EFNA5: variants seen among roughly 807,000 people sequenced by gnomAD.
EFNA5 encodes the protein ephrin A5.
EFNA5 carries 5 observed loss-of-function variants against 22.9 expected under a neutral mutation model. The observed-to-expected ratio is 0.22, with a 90% confidence interval of 0.11 to 0.46. The LOEUF (loss-of-function observed/expected upper bound fraction) is 0.46, where lower values mean the gene tolerates loss of function less well. Among genes scored for constraint, EFNA5 ranks in the 20% least tolerant of loss-of-function variants. The pLI is 0.99. For synonymous variants in EFNA5, 113 were observed against 112.2 expected, an observed-to-expected ratio of 1.01 and a Z score of -0.04; for missense variants, 237 against 293.3, an observed-to-expected ratio of 0.81 and a Z score of 1.40.
At chr5:107,505,838 C>A (rs780790210) in intron 1 of EFNA5, among the ~76,000 whole-genome samples, 7 of 151,926 alleles carry the variant, frequency 4.6e-5, no homozygotes, top group Non-Finnish European at 8.8e-5. Flanking sequence ...CTCTCCCCCC[C>A]ACCTTCTCTT....
intron 1 of EFNA5, among the ~76,000 whole-genome samples, chr5:107,531,721 G>C (rs1162168693): frequency 2.6e-5 from 4 of 152,130 alleles, no homozygotes; most frequent in Non-Finnish European, 4.4e-5. Context: ...TGCAGTACTT[G>C]TTCTAAATAG....
intron 4 of EFNA5, among the ~76,000 whole-genome samples, chr5:107,386,041 A>G (rs917201423): frequency 6.7e-6 from 1 of 149,242 alleles, no homozygotes. Context: ...TACTCAGGGT[A>G]AGTTTCCCTA....
At chr5:107,649,666 G>C (rs1024226073) in intron 1 of EFNA5, among the ~76,000 whole-genome samples, 4 of 152,098 alleles carry the variant, frequency 2.6e-5, no homozygotes, top group African/African-American at 9.7e-5. Flanking sequence ...TCTAAAGTTA[G>C]ACTATGCTCT....
At chr5:107,516,228 G>A (rs181899250) in intron 1 of EFNA5, among the ~76,000 whole-genome samples, 6 of 135,886 alleles carry the variant, frequency 4.4e-5, no homozygotes, top group East Asian at 4.4e-4. Context: ...TTGGACAGAC[G>A]AGTTTACACT....
intron 1 of EFNA5, among the ~76,000 whole-genome samples, chr5:107,647,396 T>C (rs1362987893): frequency 1.3e-5 from 2 of 152,150 alleles, no homozygotes; most frequent in African/African-American, 4.8e-5. Context: ...ATAACTGGCA[T>C]TGCAATTATA....
intron 1 of EFNA5, among the ~76,000 whole-genome samples, chr5:107,526,419 G>C (rs1484014917): frequency 6.6e-6 from 1 of 152,174 alleles, no homozygotes. Flanking sequence ...AACCAGGGCT[G>C]GGCCATACAT....
chr5:107,653,570 A>C (rs536345729), intron 1 of EFNA5, among the ~76,000 whole-genome samples: 1 of 152,280 alleles, frequency 6.6e-6, no homozygotes, highest in Admixed American at 6.5e-5. Context: ...AGCTCCTTCC[A>C]AGCACAACTC....
intron 2 of EFNA5, among the ~76,000 whole-genome samples, chr5:107,396,959 A>C (rs980918557): frequency 9.9e-5 from 15 of 152,122 alleles, no homozygotes; most frequent in Non-Finnish European, 1.9e-4. Context: ...GCAACTGTAT[A>C]CCCAGACATG....
chr5:107,486,693 T>C (rs1389520953), intron 1 of EFNA5, among the ~76,000 whole-genome samples: 1 of 152,130 alleles, frequency 6.6e-6, no homozygotes, highest in African/African-American at 2.4e-5. Context: ...TGTGTTGAGA[T>C]GACAAAACCA....
chr5:107,488,433 T>C (rs1746703876), intron 1 of EFNA5, among the ~76,000 whole-genome samples: 1 of 152,222 alleles, frequency 6.6e-6, no homozygotes, highest in Non-Finnish European at 1.5e-5. Flanking sequence ...TAGACTCTTC[T>C]GCTTTGGGTT....
intron 1 of EFNA5, among the ~76,000 whole-genome samples, chr5:107,493,916 G>A (rs1475976336): frequency 4.6e-5 from 7 of 152,206 alleles, no homozygotes; most frequent in Non-Finnish European, 1.0e-4. Flanking sequence ...AGTGTACACT[G>A]CTTGTTAGTG....
At chr5:107,499,072 CT>C (rs1747070578) in intron 1 of EFNA5, among the ~76,000 whole-genome samples, 1 of 151,984 alleles carries the variant, frequency 6.6e-6, no homozygotes, top group African/African-American at 2.4e-5. Context: ...CTCTCTTCTC[CT>C]TTTTCATTAT....
At chr5:107,492,126 C>T (rs1011907703) in intron 1 of EFNA5, among the ~76,000 whole-genome samples, 1 of 152,092 alleles carries the variant, frequency 6.6e-6, no homozygotes, top group African/African-American at 2.4e-5. Context: ...TGAGCCACCA[C>T]CCCTGGCCTA....
At chr5:107,621,839 A>T (rs1048863396) in intron 1 of EFNA5, among the ~76,000 whole-genome samples, 4 of 152,204 alleles carry the variant, frequency 2.6e-5, no homozygotes, top group Non-Finnish European at 4.4e-5. Flanking sequence ...TGCTATTAAC[A>T]TAAAAGAAAC....
chr5:107,599,756 T>C (rs975918188), intron 1 of EFNA5, among the ~76,000 whole-genome samples: 1 of 152,210 alleles, frequency 6.6e-6, no homozygotes, highest in African/African-American at 2.4e-5. Context: ...AAAAGAAGAA[T>C]AATTGCCAAA....
At chr5:107,612,941 T>TA (rs1211844226) in intron 1 of EFNA5, among the ~76,000 whole-genome samples, 1 of 152,100 alleles carries the variant, frequency 6.6e-6, no homozygotes. Flanking sequence ...ATAAAATAAA[T>TA]AGTTTCCAAA....
At chr5:107,555,664 C>T (rs2112472222) in intron 1 of EFNA5, among the ~76,000 whole-genome samples, 1 of 152,312 alleles carries the variant, frequency 6.6e-6, no homozygotes, top group African/African-American at 2.4e-5. Context: ...GTAAGATATA[C>T]ACATTCTTCT....
At chr5:107,666,690 T>A (rs542460989) in intron 1 of EFNA5, among the ~76,000 whole-genome samples, 4 of 152,268 alleles carry the variant, frequency 2.6e-5, no homozygotes, top group Admixed American at 6.5e-5. Context: ...TCATATTTGC[T>A]GCTGTATTAT....
chr5:107,571,932 ACT>A (rs1748816690), intron 1 of EFNA5, among the ~76,000 whole-genome samples: 1 of 151,890 alleles, frequency 6.6e-6, no homozygotes, highest in Non-Finnish European at 1.5e-5. Context: ...AAAGAAAACC[ACT>A]CTCCAATTTC....
Sources: gnomAD v4.1 joint callset for allele counts (sites outside exome capture counted in the v4.1 genomes callset) on GRCh38, gnomAD v4.1.1 for gene constraint, MANE v1.5 for transcripts, NCBI Gene and HGNC (gene_info 2026-07-23, HGNC 2026-07-21) for gene names.